Variants in OPCML observed in about 807,000 individuals in gnomAD.
OPCML encodes opioid binding protein/cell adhesion molecule like.
OPCML carries 13 observed loss-of-function variants against 37.8 expected under a neutral mutation model. That is an observed-to-expected ratio of 0.34 (90% CI 0.22 to 0.55). OPCML has a LOEUF of 0.55. OPCML is among the 20% of genes least tolerant of loss of function. The pLI is 0.91. For missense variants in OPCML, 341 were observed against 435.6 expected, an observed-to-expected ratio of 0.78 and a Z score of 1.93; for synonymous variants, 176 against 168.8, an observed-to-expected ratio of 1.04 and a Z score of -0.33.
intron 1 of OPCML, among the ~76,000 whole-genome samples, chr11:132,954,027 A>C (rs1591843215): frequency 6.6e-6 from 1 of 152,176 alleles, no homozygotes; most frequent in Admixed American, 6.5e-5. Context: ...ATAACATGTC[A>C]GTTACTTGAA....
chr11:133,477,432 C>T (rs1947267130), intron 1 of OPCML, among the ~76,000 whole-genome samples: 1 of 152,186 alleles, frequency 6.6e-6, no homozygotes, highest in Non-Finnish European at 1.5e-5. Flanking sequence ...ACCTGCGATC[C>T]TCAGTGCACT....
intron 2 of OPCML, among the ~76,000 whole-genome samples, chr11:132,724,284 TAAG>T (rs984134071): frequency 3.3e-5 from 5 of 152,186 alleles, no homozygotes; most frequent in Non-Finnish European, 7.3e-5. Context: ...CAGAATTGAC[TAAG>T]AATAAATTCT....
chr11:132,824,261 C>T (rs762420868), intron 2 of OPCML, among the ~76,000 whole-genome samples: 2 of 152,188 alleles, frequency 1.3e-5, no homozygotes, highest in Non-Finnish European at 2.9e-5. Context: ...GAAGCCATTC[C>T]AGACAAAAAG....
At chr11:132,487,489 A>C (rs777713211) in intron 4 of OPCML, among the ~76,000 whole-genome samples, 2 of 152,216 alleles carry the variant, frequency 1.3e-5, no homozygotes, top group African/African-American at 4.8e-5. Context: ...CCTGGACTAC[A>C]GTAACGGTGA....
chr11:132,563,751 C>A (rs1185077800), intron 3 of OPCML, among the ~76,000 whole-genome samples: 2 of 151,926 alleles, frequency 1.3e-5, no homozygotes, highest in African/African-American at 4.8e-5. Context: ...TCTTTGAAAG[C>A]ACTTATGTAT....
At chr11:132,763,866 T>G (rs1429528690) in intron 2 of OPCML, among the ~76,000 whole-genome samples, 1 of 152,198 alleles carries the variant, frequency 6.6e-6, no homozygotes. Context: ...TCATTCCGCA[T>G]CTTACCACAA....
intron 2 of OPCML, among the ~76,000 whole-genome samples, chr11:132,829,739 G>C (rs1940577638): frequency 1.3e-5 from 2 of 152,080 alleles, no homozygotes; most frequent in Admixed American, 1.3e-4. Context: ...TTGGGGGTTT[G>C]CTTTGGTTTT....
intron 1 of OPCML, among the ~76,000 whole-genome samples, chr11:133,339,270 C>T (rs982234568): frequency 5.3e-5 from 8 of 152,170 alleles, no homozygotes; most frequent in African/African-American, 1.9e-4. Context: ...CCATAACAGC[C>T]TTCTGAATTA....
chr11:132,762,958 A>T lies in OPCML; in HGVS notation c.147-105639T>A, dbSNP rs142450784. Among the ~76,000 whole-genome samples the T allele has an allele frequency of 3.1e-3, 472 of 152,240 alleles. 1 individual carries two copies. Among genetic ancestry groups the T allele is most frequent in the Non-Finnish European group, 3.8e-3 (260 of 68,010 alleles). ...CCCTGGTGGTGTAGGCACCTGAAAG[A>T]ATCTCCTGGTCTGTGGGTTGCGAAG... On this transcript the variant is annotated intron_variant, in intron 2 of 7. Transcript: ENST00000524381.
At chr11:132,879,427 T>C (rs1196527948) in intron 2 of OPCML, among the ~76,000 whole-genome samples, 2 of 152,200 alleles carry the variant, frequency 1.3e-5, no homozygotes, top group Admixed American at 6.5e-5. Flanking sequence ...AAAGTTTCTG[T>C]GTGTTTCAAA....
intron 2 of OPCML, among the ~76,000 whole-genome samples, chr11:132,847,642 T>G (rs1010201438): frequency 3.3e-5 from 5 of 152,202 alleles, no homozygotes; most frequent in Non-Finnish European, 7.3e-5. Context: ...CTCACTCTCT[T>G]TCAGGAATCT....
chr11:133,143,632 T>C (rs1338382205), intron 1 of OPCML, among the ~76,000 whole-genome samples: 1 of 152,210 alleles, frequency 6.6e-6, no homozygotes, highest in Non-Finnish European at 1.5e-5. Context: ...TCCCCATATC[T>C]CATCTCAGCT....
chr11:132,860,621 T>G (rs1342116881), intron 2 of OPCML: 1 of 152,028 alleles, frequency 6.6e-6, no homozygotes, highest in Non-Finnish European at 1.5e-5. Flanking sequence ...CTCCAAAGCC[T>G]CTAGAGGAAA....
intron 1 of OPCML, among the ~76,000 whole-genome samples, chr11:133,030,936 C>T (rs1947655584): frequency 6.6e-6 from 1 of 152,032 alleles, no homozygotes; most frequent in Non-Finnish European, 1.5e-5. Flanking sequence ...AAAAGTCTCA[C>T]TAAAGCTTAT....
chr11:132,555,038 G>A (rs1453957010), intron 3 of OPCML, among the ~76,000 whole-genome samples: 5 of 151,906 alleles, frequency 3.3e-5, no homozygotes, highest in East Asian at 1.9e-4. Context: ...GAGATCCATG[G>A]GAAAATGGCG....
intron 1 of OPCML, among the ~76,000 whole-genome samples, chr11:133,160,643 C>G (rs1484020521): frequency 6.6e-6 from 1 of 152,232 alleles, no homozygotes; most frequent in Non-Finnish European, 1.5e-5. Flanking sequence ...TCCCTGATTC[C>G]CAACCTTCCA....
chr11:133,456,667 A>G (rs1286883941), intron 1 of OPCML, among the ~76,000 whole-genome samples: 1 of 152,110 alleles, frequency 6.6e-6, no homozygotes, highest in African/African-American at 2.4e-5. Context: ...CAAAGAACTA[A>G]AGGAAATTGA....
chr11:133,286,221 T>C (rs902663026), intron 1 of OPCML, among the ~76,000 whole-genome samples: 1 of 151,936 alleles, frequency 6.6e-6, no homozygotes, highest in African/African-American at 2.4e-5. Flanking sequence ...GAGGCCGAGG[T>C]GGGCGGATCT....
At chr11:133,395,849 T>C (rs1342916655) in intron 1 of OPCML, among the ~76,000 whole-genome samples, 1 of 152,220 alleles carries the variant, frequency 6.6e-6, no homozygotes. Context: ...TTGCTCAAGA[T>C]AGCTTTGGCT....
Sources: allele counts gnomAD v4.1 joint callset (sites outside exome capture counted in the v4.1 genomes callset), GRCh38; gene constraint gnomAD v4.1.1; transcripts MANE v1.5; gene names NCBI Gene and HGNC (gene_info 2026-07-23, HGNC 2026-07-21).